The following ULK4 variants were observed in gnomAD, a reference collection of about 807,000 sequenced individuals.
ULK4 encodes inactive serine/threonine-protein kinase ULK4.
Under a neutral mutation model 160.6 loss-of-function variants are expected in ULK4, and 133 were observed. The ratio of observed to expected loss-of-function variants is 0.83; its 90% CI spans 0.72 to 0.96. ULK4 has a LOEUF of 0.96. Ranked by LOEUF, ULK4 falls within the 40% of genes least tolerant of loss-of-function variation. The pLI, the probability that ULK4 is intolerant of heterozygous loss-of-function variation, is 0.00. For missense variants in ULK4, 1,580 were observed against 1,499.5 expected, an observed-to-expected ratio of 1.05 and a Z score of -0.89; for synonymous variants, 534 against 539.8, an observed-to-expected ratio of 0.99 and a Z score of 0.15.
chr3:41,893,153 GTT>G (rs1698027507), intron 16 of ULK4, among the ~76,000 whole-genome samples: 1 of 152,202 alleles, frequency 6.6e-6, no homozygotes, highest in East Asian at 1.9e-4. Context: ...GAAAGGGGAA[GTT>G]ACTGTTTAAT....
chr3:41,498,917 A>G (rs1183973238), intron 32 of ULK4, among the ~76,000 whole-genome samples: 1 of 152,194 alleles, frequency 6.6e-6, no homozygotes, highest in Non-Finnish European at 1.5e-5. Context: ...TTAAAGATTA[A>G]TGTAACTGAT....
At chr3:41,569,412 C>T (rs2087894994) in intron 31 of ULK4, among the ~76,000 whole-genome samples, 1 of 152,098 alleles carries the variant, frequency 6.6e-6, no homozygotes, top group African/African-American at 2.4e-5. Context: ...CACCTGAAGA[C>T]AGAGTTTCTG....
At chr3:41,572,976 A>G (rs2088054988) in intron 31 of ULK4, among the ~76,000 whole-genome samples, 1 of 152,100 alleles carries the variant, frequency 6.6e-6, no homozygotes, top group African/African-American at 2.4e-5. Context: ...AGAGCCCACA[A>G]AAGGCAATCC....
At chr3:41,870,895 A>C (rs1469634810) in intron 17 of ULK4, among the ~76,000 whole-genome samples, 2 of 152,174 alleles carry the variant, frequency 1.3e-5, no homozygotes, top group Non-Finnish European at 2.9e-5. Context: ...CCACATGTCA[A>C]GGGTGGGACC....
intron 34 of ULK4, among the ~76,000 whole-genome samples, chr3:41,427,613 C>T (rs766884774): frequency 1.2e-4 from 18 of 152,108 alleles, no homozygotes; most frequent in Non-Finnish European, 2.1e-4. Flanking sequence ...AGGCTGGTTC[C>T]ACATATGTAA....
intron 8 of ULK4, among the ~76,000 whole-genome samples, chr3:41,915,118 T>C (rs11714795): frequency 1.3e-5 from 2 of 149,750 alleles, no homozygotes; most frequent in Non-Finnish European, 2.9e-5. Flanking sequence ...TAGGGATATG[T>C]GGATACACCG....
rs544061854 is a variant in ULK4, at chr3:41,692,515, AT to A, written c.2782-10712del. On this transcript the variant is annotated intron_variant, in intron 27 of 36. Coordinates refer to ENST00000301831, the MANE Select transcript of ULK4 (RefSeq NM_017886.4). The stretch of plus-strand genomic sequence containing the variant: ...ATACATATACGTTATATATTTATAT[AT>A]ACTACTATATGCTACATATTTTATG... 4.9e-3 allele frequency among the ~76,000 whole-genome samples: 746 copies of A among 151,864 alleles called. 4 individuals carry two copies. The highest frequency in any genetic ancestry group is 0.017 in the African/African-American group (715 of 41,428).
intron 22 of ULK4, among the ~76,000 whole-genome samples, chr3:41,736,925 C>T (rs2038073315): frequency 6.6e-6 from 1 of 151,812 alleles, no homozygotes; most frequent in African/African-American, 2.4e-5. Context: ...AGCCAGTTTT[C>T]CCAGCACCAT....
chr3:41,553,290 G>A (rs1034624216), intron 32 of ULK4, among the ~76,000 whole-genome samples: 2 of 151,986 alleles, frequency 1.3e-5, no homozygotes, highest in Non-Finnish European at 2.9e-5. Flanking sequence ...GCATAGCAAA[G>A]AAAACAATCT....
intron 21 of ULK4, among the ~76,000 whole-genome samples, chr3:41,781,048 T>C (rs1031463137): frequency 2.0e-5 from 3 of 152,102 alleles, no homozygotes; most frequent in Non-Finnish European, 4.4e-5. Context: ...TAGAAAAATA[T>C]ATATTTATAC....
At chr3:41,626,308 G>A (rs1488732648) in intron 30 of ULK4, among the ~76,000 whole-genome samples, 2 of 151,990 alleles carry the variant, frequency 1.3e-5, no homozygotes, top group Non-Finnish European at 2.9e-5. Flanking sequence ...GATAGTCCAA[G>A]TGTCAATACA....
intron 22 of ULK4, among the ~76,000 whole-genome samples, chr3:41,728,637 G>C (rs1201504502): frequency 1.3e-5 from 2 of 152,024 alleles, no homozygotes; most frequent in Non-Finnish European, 1.5e-5. Flanking sequence ...CTACTACAAA[G>C]GCTGAGATTA....
intron 19 of ULK4, among the ~76,000 whole-genome samples, chr3:41,801,678 T>C (rs2040463515): frequency 6.6e-6 from 1 of 151,814 alleles, no homozygotes; most frequent in African/African-American, 2.4e-5. Context: ...AGCAAGACCT[T>C]TTCTGTACAA....
intron 18 of ULK4, 121 bp downstream of exon 18, chr3:41,835,743 T>C: frequency 1.7e-6 from 1 of 602,792 alleles, no homozygotes; most frequent in Non-Finnish European, 2.9e-6. Flanking sequence ...AAATTTATCC[T>C]AAGTTCCTCA....
chr3:41,833,141 A>G (rs2041646150), intron 18 of ULK4, among the ~76,000 whole-genome samples: 1 of 151,990 alleles, frequency 6.6e-6, no homozygotes, highest in African/African-American at 2.4e-5. Flanking sequence ...CATTTTCACA[A>G]TATTGATTCT....
At position 41,565,764 on chromosome 3, in the gene ULK4, A is replaced by G. The variant is rs1004126992; in HGVS notation, c.3226+261T>C. Among the ~76,000 whole-genome samples, 3 of 152,236 alleles carry G rather than the reference A, an allele frequency of 2.0e-5. No individual in the cohort carries two copies. The South Asian group carries it at 6.2e-4, about 32-fold the overall frequency. ...AGAAAACAGATGAAGACAGATAGCAATCAGTCTAAATACTATGATTACACC... is the reference window on the plus strand; with the variant it reads ...AGAAAACAGATGAAGACAGATAGCAGTCAGTCTAAATACTATGATTACACC... On this transcript the variant is annotated intron_variant, in intron 32 of 36. Transcript: ENST00000301831.
chr3:41,814,321 C>T (rs1452650767), intron 19 of ULK4, among the ~76,000 whole-genome samples: 1 of 152,104 alleles, frequency 6.6e-6, no homozygotes, highest in Non-Finnish European at 1.5e-5. Context: ...TTAGTATCTG[C>T]CTTTCTGGCC....
intron 21 of ULK4, among the ~76,000 whole-genome samples, chr3:41,772,473 A>C (rs1309514897): frequency 2.6e-5 from 4 of 152,328 alleles, no homozygotes; most frequent in Non-Finnish European, 5.9e-5. Flanking sequence ...AATCTAGAAG[A>C]AATGGATAAA....
intron 30 of ULK4, among the ~76,000 whole-genome samples, chr3:41,642,766 C>A (rs1476249388): frequency 6.6e-6 from 1 of 152,246 alleles, no homozygotes; most frequent in Admixed American, 6.5e-5. Flanking sequence ...AATCACCACA[C>A]TGACTTCCAC....
Sources: allele counts gnomAD v4.1 joint callset (sites outside exome capture counted in the v4.1 genomes callset), GRCh38; gene constraint gnomAD v4.1.1; transcripts MANE v1.5; gene names NCBI Gene and HGNC (gene_info 2026-07-23, HGNC 2026-07-21).